Variants in C17orf99 observed in about 807,000 individuals in gnomAD.
C17orf99 encodes chromosome 17 open reading frame 99.
Under a neutral mutation model 22.6 loss-of-function variants are expected in C17orf99, and 18 were observed. That is an observed-to-expected ratio of 0.80 (90% CI 0.55 to 1.18). The LOEUF is 1.18. Ranked by LOEUF, C17orf99 falls within the 50% of genes most tolerant of loss-of-function variation. C17orf99 has a pLI of 0.00. For missense variants in C17orf99, 328 were observed against 342.7 expected (o/e 0.96, Z 0.34); for synonymous variants, 147 against 136.6 (o/e 1.08, Z -0.53).
At chr17:78,159,684 A>G (rs1310744733) in intron 2 of C17orf99, among the ~76,000 whole-genome samples, 1 of 151,390 alleles carries the variant, frequency 6.6e-6, no homozygotes. Flanking sequence ...GATTTTCATC[A>G]CCCCAAAAGG....
chr17:78,164,798 A>G, intron 4 of C17orf99: 15 of 1,254,592 alleles, frequency 1.2e-5, no homozygotes, highest in Non-Finnish European at 1.5e-5. Flanking sequence ...AGCGGCCATC[A>G]CCGCTTACGC....
intron 3 of C17orf99, among the ~76,000 whole-genome samples, chr17:78,162,927 A>G (rs1174682873): frequency 6.6e-6 from 1 of 152,124 alleles, no homozygotes; most frequent in Non-Finnish European, 1.5e-5. Context: ...CTGGGACTAC[A>G]GGCCCTTGCC....
chr17:78,157,281 C>T (rs549699623), intron 2 of C17orf99: 14 of 336,988 alleles, frequency 4.2e-5, no homozygotes, highest in East Asian at 1.1e-4. Flanking sequence ...CTGGCCAACA[C>T]GGTGAAAACC....
At position 78,165,909 on chromosome 17, in the gene C17orf99, G is replaced by A; in HGVS notation, c.661G>A (p.Asp221Asn). ...TCAAGGTGGTGACCAGAAGATGGAG[G>A]ACTGGCAGGGTCCCCTGGAGAGCCC... ...VPPGGDQKME[D>N]WQGPLESPIL... is the part of the protein sequence containing the mutation. The change falls in exon 5 of 5, where the codon GAC becomes AAC. Residue 221 changes from aspartate (D) to asparagine (N), a missense_variant. Transcript: ENST00000340363. The A allele has an allele frequency of 1.5e-6, 2 of 1,373,126 alleles. No individual in the cohort carries two copies. The highest frequency in any genetic ancestry group is 1.9e-6 in the Non-Finnish European group (2 of 1,046,352). 85.1% of individuals were successfully genotyped at this position (1,373,126 alleles called of 1,614,324 possible). A position where few individuals can be genotyped will look rare whatever the true frequency, so the allele number is the denominator to read the frequency against.
At chr17:78,164,396 G>A (rs1258396593) in intron 4 of C17orf99, 32 bp downstream of exon 4, 2 of 1,551,016 alleles carry the variant, frequency 1.3e-6, no homozygotes, top group East Asian at 4.9e-5. Flanking sequence ...CAGAGGGGCA[G>A]CTGGCGCTTC....
chr17:78,161,039 C>A lies in C17orf99; in HGVS notation c.155C>A (p.Pro52His). 6.4e-7 allele frequency: 1 copy of A among 1,551,620 alleles called. No homozygotes were observed. Among genetic ancestry groups the A allele is most frequent in the Non-Finnish European group, 8.7e-7 (1 of 1,146,970 alleles). Residue 52 changes from proline (P) to histidine (H), a missense_variant, in exon 3 of 5, where the codon CCC becomes CAC. Pro to His is a moderately conservative substitution (Grantham distance 77). Transcript: ENST00000340363. ...TGGGTGCTCATAACCTGCTGTGCAC[C>A]CCAGCCACCACCGCCCATCACCTAT... is the stretch of plus-strand genomic sequence containing the variant. ...GRWVLITCCA[P>H]QPPPPITYSL...
chr17:78,157,549 A>T (rs2075536683), intron 2 of C17orf99: 6 of 859,982 alleles, frequency 7.0e-6, no homozygotes, highest in Non-Finnish European at 1.0e-5. Flanking sequence ...CCGTAATCCC[A>T]TCACTTTGGA....
At chr17:78,162,578 C>T (rs1323049611) in intron 3 of C17orf99, among the ~76,000 whole-genome samples, 4 of 152,026 alleles carry the variant, frequency 2.6e-5, no homozygotes, top group African/African-American at 9.7e-5. Flanking sequence ...GGTTCAAATC[C>T]CTACACTTAC....
chr17:78,146,301 C>A, upstream of C17orf99: 1 of 1,021,356 alleles, frequency 9.8e-7, no homozygotes. This position sits in a 1 kb window ranked among gnomAD's most constrained non-coding sequence, Gnocchi z 5.2. Context: ...GGTTATCTCC[C>A]CACTGCAGGC....
Position 78,161,271 on chromosome 17 carries a change from G to T in C17orf99, c.370+17G>T. The T allele has an allele frequency of 6.5e-7, 1 of 1,547,410 alleles. No individual in the cohort carries two copies. The highest frequency in any genetic ancestry group is 8.7e-7 in the Non-Finnish European group (1 of 1,143,612). ...TGTGGTCCAGTGAGTGCGGTGGGGGGCACAGGGCTGAGGAGGCAGGTGGGG... is the reference window on the plus strand; with the variant it reads ...TGTGGTCCAGTGAGTGCGGTGGGGGTCACAGGGCTGAGGAGGCAGGTGGGG... On this transcript the variant is annotated intron_variant, in intron 3 of 4. Transcript: ENST00000340363.
intron 2 of C17orf99, among the ~76,000 whole-genome samples, chr17:78,160,548 AGAGAGAGAG>A (rs2075566018): frequency 1.7e-5 from 1 of 58,920 alleles, no homozygotes; most frequent in Admixed American, 2.4e-4. Context: ...AAAAAAAAAA[AGAGAGAGAG>A]AGAGAGAACA....
chr17:78,145,793 T>C (rs1279640832), upstream of C17orf99, among the ~76,000 whole-genome samples: 3 of 92,454 alleles, frequency 3.2e-5, 1 homozygote, highest in Admixed American at 4.4e-4. Flanking sequence ...CGTGGACATC[T>C]TTTTTTTTTT....
At chr17:78,157,837 G>T in intron 2 of C17orf99, 2 of 909,470 alleles carry the variant, frequency 2.2e-6, no homozygotes, top group South Asian at 1.3e-5. Flanking sequence ...ATGGCTTTGT[G>T]GTACTCAAAG....
intron 2 of C17orf99, among the ~76,000 whole-genome samples, chr17:78,148,720 C>T (rs771133658): frequency 3.9e-5 from 6 of 152,064 alleles, no homozygotes; most frequent in Non-Finnish European, 8.8e-5. Flanking sequence ...GGCCAGAACA[C>T]AGGAAGCAAG....
At chr17:78,165,659 G>C (rs9906000) in intron 4 of C17orf99, 1 of 905,704 alleles carries the variant, frequency 1.1e-6, no homozygotes, top group East Asian at 5.4e-5. Flanking sequence ...AAAATTAGCC[G>C]GGCGTGGTGG....
Position 78,153,263 on chromosome 17 carries a change from C to G in C17orf99, c.70+6352C>G, listed in dbSNP as rs1297109247. On this transcript the variant is annotated intron_variant, in intron 2 of 4. Transcript: ENST00000340363. ...CTCTGGGAGGCCGACGGGGGTGGAT[C>G]TCCTGAGCTCAGGTGTTCAAGACCA... 2.0e-5 allele frequency among the ~76,000 whole-genome samples: 3 copies of G among 151,996 alleles called. No homozygotes were observed. In the East Asian group the frequency reaches 5.8e-4, roughly 29 times the overall value.
intron 2 of C17orf99, among the ~76,000 whole-genome samples, chr17:78,149,813 G>T (rs1309592920): frequency 6.6e-6 from 1 of 150,900 alleles, no homozygotes; most frequent in Non-Finnish European, 1.5e-5. Context: ...AGGTTCAAGG[G>T]ATTCTCCTGC....
chr17:78,159,336 T>TTAAA (rs201505959), intron 2 of C17orf99, among the ~76,000 whole-genome samples: 4,978 of 151,774 alleles, frequency 0.033, 259 homozygotes, highest in African/African-American at 0.11. Context: ...GACTCTGTCT[T>TTAAA]TAAATAAATA....
chr17:78,164,408 G>A lies in C17orf99; in HGVS notation c.640+44G>A. ...TTCCAGAGGGGCAGCTGGCGCTTCT[G>A]TGCCGGGAGGGTGCTAGTGTCCAAG... On this transcript the variant is annotated intron_variant, in intron 4 of 4. Coordinates refer to ENST00000340363, the MANE Select transcript of C17orf99 (RefSeq NM_001163075.2). 3 of 1,551,002 alleles carry A rather than the reference G, an allele frequency of 1.9e-6. No individual in the cohort carries two copies. In the South Asian group the frequency reaches 3.6e-5, roughly 18 times the overall value.
Sources: allele counts gnomAD v4.1 joint callset (sites outside exome capture counted in the v4.1 genomes callset), GRCh38; gene constraint gnomAD v4.1.1; non-coding constraint Gnocchi (gnomAD v3.1); transcripts MANE v1.5; gene names NCBI Gene and HGNC (gene_info 2026-07-23, HGNC 2026-07-21).